The following FSIP2 variants were observed in gnomAD, a reference collection of about 807,000 sequenced individuals.
FSIP2 encodes fibrous sheath-interacting protein 2.
FSIP2 carries 367 observed loss-of-function variants against 510.5 expected under a neutral mutation model. That is an observed-to-expected ratio of 0.72 (90% confidence interval 0.66 to 0.78). FSIP2 has a LOEUF of 0.78. FSIP2 is among the 30% of genes least tolerant of loss of function. FSIP2 has a pLI of 0.00. For synonymous variants in FSIP2, 2,601 were observed against 2,732.2 expected, an observed-to-expected ratio of 0.95 and a Z score of 1.50; for missense variants, 7,594 against 7,901.7, an observed-to-expected ratio of 0.96 and a Z score of 1.48.
Position 185,796,269 on chromosome 2 carries a change from C to A in FSIP2, c.9133C>A (p.Pro3045Thr), listed in dbSNP as rs1027085372. 6.5e-7 allele frequency: 1 copy of A among 1,532,372 alleles called. No homozygotes were observed. Among genetic ancestry groups the A allele is most frequent in the Non-Finnish European group, 8.7e-7 (1 of 1,145,184 alleles). The allele number at this position is 1,532,372 out of a possible 1,614,324, so 94.9% of individuals were successfully genotyped here. Reference sequence around the variant, plus strand: ...CAAAAAAATGTTGCCAAAATTACAACCACTGAAAATGTTTTCTGATAAATC... The same window carrying A: ...CAAAAAAATGTTGCCAAAATTACAAACACTGAAAATGTTTTCTGATAAATC... ...LNKKMLPKLQ[P>T]LKMFSDKSES... Residue 3045 changes from proline (P) to threonine (T), a missense_variant, in exon 16 of 23, where the codon CCA becomes ACA. Coordinates refer to ENST00000424728, the MANE Select transcript of FSIP2 (RefSeq NM_173651.4).
Position 185,799,727 on chromosome 2 carries a change from C to A in FSIP2, c.10421C>A (p.Thr3474Lys). 1.4e-6 allele frequency: 2 copies of A among 1,423,904 alleles called. No individual in the cohort carries two copies. Among genetic ancestry groups the A allele is most frequent in the South Asian group, 1.4e-5 (1 of 70,244 alleles). The allele number at this position is 1,423,904 out of a possible 1,614,324, so 88.2% of individuals were successfully genotyped here. ...AGTGAGGAAAAGATGTCTGTTTCTACATGGTCAAGGAAAAAATATGAATCA... is the reference window on the plus strand; with the variant it reads ...AGTGAGGAAAAGATGTCTGTTTCTAAATGGTCAAGGAAAAAATATGAATCA... ...VFSEEKMSVS[T>K]WSRKKYESKQ... is the part of the protein sequence containing the mutation. Residue 3474 changes from threonine (T) to lysine (K), a missense_variant, in exon 17 of 23, where the codon ACA becomes AAA. Transcript: ENST00000424728.
chr2:185,797,119 T>C lies in FSIP2; in HGVS notation c.9983T>C (p.Leu3328Ser), dbSNP rs1693306882. 2 of 1,535,034 alleles carry C rather than the reference T, an allele frequency of 1.3e-6. No homozygotes were observed. The highest frequency in any genetic ancestry group is 1.7e-6 in the Non-Finnish European group (2 of 1,146,228). Residue 3328 changes from leucine (L) to serine (S), a missense_variant, in exon 16 of 23, where the codon TTA becomes TCA. Physicochemically the swap from Leu to Ser is moderately radical, Grantham distance 145. Coordinates refer to ENST00000424728, the MANE Select transcript of FSIP2 (RefSeq NM_173651.4). ...ACCATTTCCCCTCTCAAAATATGTTTAGCTGCAGAAAATATTGTCAATACT... is the reference window on the plus strand; with the variant it reads ...ACCATTTCCCCTCTCAAAATATGTTCAGCTGCAGAAAATATTGTCAATACT... ...QTTISPLKIC[L>S]AAENIVNTVL... is the part of the protein sequence containing the mutation.
intron 13 of FSIP2, among the ~76,000 whole-genome samples, chr2:185,767,115 C>A (rs1670211770): frequency 7.3e-6 from 1 of 137,670 alleles, no homozygotes; most frequent in Non-Finnish European, 1.5e-5. Flanking sequence ...GGGAATTGAA[C>A]AATGAGATCA....
intron 7 of FSIP2, among the ~76,000 whole-genome samples, chr2:185,750,227 G>A (rs72898038): frequency 0.27 from 40,655 of 151,158 alleles, 6,152 homozygotes; most frequent in East Asian, 0.45. Context: ...TTTTAGAATT[G>A]GTATTGTTTA....
In FSIP2 at chr2:185,789,943, A is replaced by C. The variant is rs1693080908; in HGVS notation, c.2807A>C (p.Gln936Pro). ...TCTGAAGAAACCGTAGTACTCCTTC[A>C]GCTACTTGAGGACATCCTTTTTCAG... ...IASEETVVLL[Q>P]LLEDILFQLH... is the part of the protein sequence containing the mutation. The change falls in exon 16 of 23, where the codon CAG becomes CCG. Residue 936 changes from glutamine to proline, a missense_variant. Physicochemically the swap from Gln to Pro is moderately conservative, Grantham distance 76. Coordinates refer to ENST00000424728, the MANE Select transcript of FSIP2 (RefSeq NM_173651.4). 1.3e-6 allele frequency: 2 copies of C among 1,534,402 alleles called. No individual in the cohort carries two copies. Among genetic ancestry groups the C allele is most frequent in the Non-Finnish European group, 1.7e-6 (2 of 1,145,728 alleles).
chr2:185,804,046 G>A lies in FSIP2; in HGVS notation c.14740G>A (p.Glu4914Lys). ...CCATCATATTCAATCATTTTTATCT[G>A]AAGATAAAACTCTCCTTTTGGCAGC... Reference protein sequence around the residue: ...FNHHIQSFLSEDKTLLLAAVD... With the variant: ...FNHHIQSFLSKDKTLLLAAVD... Residue 4914 changes from glutamate (E) to lysine (K), a missense_variant, in exon 17 of 23, where the codon GAA (glutamate) becomes AAA (lysine). Physicochemically the swap from Glu to Lys is moderately conservative, Grantham distance 56. Transcript: ENST00000424728. 1 of 1,505,382 alleles carries A rather than the reference G, an allele frequency of 6.6e-7. No individual in the cohort carries two copies. The highest frequency in any genetic ancestry group is 8.9e-7 in the Non-Finnish European group (1 of 1,127,670). The allele number at this position is 1,505,382 out of a possible 1,614,324, so 93.3% of individuals were successfully genotyped here. A position where few individuals can be genotyped will look rare whatever the true frequency, so the allele number is the denominator to read the frequency against.
rs1395659686 is a variant in FSIP2 at position 185,789,044 on chromosome 2, A to G, written c.1908A>G (p.Ser636=). 16 of 1,534,354 alleles carry G rather than the reference A, an allele frequency of 1.0e-5. No homozygotes were observed. The highest frequency in any genetic ancestry group is 1.3e-5 in the Non-Finnish European group (15 of 1,145,590). The change falls in exon 16 of 23, where the codon TCA becomes TCG. Residue 636 remains serine (S), a synonymous_variant. Transcript: ENST00000424728. ...HKYNKTNLLY[S]YPKLRSCKSD... ...ATAATAAAACCAACTTGCTATATTC[A>G]TACCCTAAGCTCAGAAGTTGTAAAT...
Position 185,791,080 on chromosome 2 carries a change from A to C in FSIP2, c.3944A>C (p.Glu1315Ala), listed in dbSNP as rs1693112109. 1.3e-6 allele frequency: 2 copies of C among 1,531,986 alleles called. No individual in the cohort carries two copies. The highest frequency in any genetic ancestry group is 2.4e-5 in the East Asian group (1 of 40,824). The allele number at this position is 1,531,986 out of a possible 1,614,324, so 94.9% of individuals were successfully genotyped here. A position where few individuals can be genotyped will look rare whatever the true frequency, so the allele number is the denominator to read the frequency against. The change falls in exon 16 of 23, where the codon GAA becomes GCA. Residue 1315 changes from glutamate to alanine, a missense_variant. Physicochemically the swap from Glu to Ala is moderately radical, Grantham distance 107. Transcript: ENST00000424728. ...CAGAATGAACTGGAACTTCACAAGG[A>C]AAACCTAAATCTTAGGGAGATTGAC... ...AIQNELELHK[E>A]NLNLREIDHT... is the part of the protein sequence containing the mutation.
At chr2:185,768,941 T>C (rs34631835) in intron 13 of FSIP2, among the ~76,000 whole-genome samples, 14,793 of 152,250 alleles carry the variant, frequency 0.097, 768 homozygotes, top group Middle Eastern at 0.13. Context: ...TCCATCCATG[T>C]TCCTGCAAAG....
chr2:185,737,403 AT>A (rs953657532), upstream of FSIP2, among the ~76,000 whole-genome samples: 6 of 152,290 alleles, frequency 3.9e-5, no homozygotes, highest in Admixed American at 3.3e-4. Flanking sequence ...TACAAGATGG[AT>A]TTTTGGGGTA....
At chr2:185,779,299 A>AT (rs1692793462) in intron 13 of FSIP2, among the ~76,000 whole-genome samples, 1 of 102,974 alleles carries the variant, frequency 9.7e-6, no homozygotes, top group Middle Eastern at 4.6e-3. Flanking sequence ...GTTTTTATCT[A>AT]GTTTTTTTTT....
intron 19 of FSIP2, among the ~76,000 whole-genome samples, chr2:185,822,050 G>T (rs1037742988): frequency 1.3e-5 from 2 of 151,896 alleles, no homozygotes; most frequent in Non-Finnish European, 2.9e-5. Flanking sequence ...CAGCAGAGCA[G>T]GAAGAGAAGG....
chr2:185,747,508 A>T, intron 7 of FSIP2, 85 bp downstream of exon 7: 1 of 686,602 alleles, frequency 1.5e-6, no homozygotes, highest in Non-Finnish European at 2.5e-6. Context: ...ACTTTGTGAG[A>T]TGACTGTTGC....
intron 13 of FSIP2, among the ~76,000 whole-genome samples, chr2:185,782,195 C>T (rs1692866159): frequency 6.6e-6 from 1 of 152,104 alleles, no homozygotes; most frequent in Admixed American, 6.5e-5. Flanking sequence ...AAGTCATAAT[C>T]AGGTGTACAC....
At chr2:185,829,445 C>A (rs1694070081) in intron 21 of FSIP2, among the ~76,000 whole-genome samples, 1 of 151,918 alleles carries the variant, frequency 6.6e-6, no homozygotes, top group Non-Finnish European at 1.5e-5. Flanking sequence ...TATCCTCTGG[C>A]TTAGACTCAG....
Position 185,794,559 on chromosome 2 carries a change from T to C in FSIP2, c.7423T>C (p.Ser2475Pro), listed in dbSNP as rs1410205082. The C allele has an allele frequency of 1.3e-6, 2 of 1,530,738 alleles. No homozygotes were observed. Among genetic ancestry groups the C allele is most frequent in the East Asian group, 4.9e-5 (2 of 40,760 alleles). The allele number at this position is 1,530,738 out of a possible 1,614,324, so 94.8% of individuals were successfully genotyped here. The change falls in exon 16 of 23, where the codon TCA (serine) becomes CCA (proline). Residue 2475 changes from serine to proline, a missense_variant. By Grantham distance (74) the Ser-to-Pro change is moderately conservative. Transcript: ENST00000424728. The part of the protein sequence containing the change: ...LEEIFMRNGE[S>P]KNKEKGELLI... The stretch of plus-strand genomic sequence containing the variant: ...AGAAATATTTATGAGAAATGGAGAA[T>C]CAAAAAACAAAGAAAAAGGTGAACT...
chr2:185,800,814 A>G lies in FSIP2; in HGVS notation c.11508A>G (p.Ser3836=). 2 of 1,534,450 alleles carry G rather than the reference A, an allele frequency of 1.3e-6. No homozygotes were observed. Among genetic ancestry groups the G allele is most frequent in the Non-Finnish European group, 1.7e-6 (2 of 1,145,622 alleles). Residue 3836 remains serine, a synonymous_variant, in exon 17 of 23, where the codon TCA becomes TCG. Coordinates refer to ENST00000424728, the MANE Select transcript of FSIP2 (RefSeq NM_173651.4). ...VAEIDQDLLT[S]DSMLTIISHS... ...AAATTGATCAAGACTTATTGACATC[A>G]GACTCTATGCTTACTATTATTTCCC...
chr2:185,817,928 TA>T (rs1263966155), intron 19 of FSIP2, among the ~76,000 whole-genome samples: 2 of 151,958 alleles, frequency 1.3e-5, no homozygotes, highest in Non-Finnish European at 2.9e-5. Flanking sequence ...GGTAGCATAT[TA>T]GGGCAACTAG....
rs7576532 is a variant in FSIP2 at position 185,805,377 on chromosome 2, A to T, written c.16071A>T (p.Glu5357Asp). Residue 5357 changes from glutamate to aspartate, a missense_variant, in exon 17 of 23, where the codon GAA becomes GAT. Physicochemically the swap from Glu to Asp is conservative, Grantham distance 45 (BLOSUM62 2). Transcript: ENST00000424728. ...ATAAAATATCCAATTTTGTATATGA[A>T]CAGTTCATAGAAAAATGCACATCTC... ...TVDKISNFVY[E>D]QFIEKCTSHD... is the part of the protein sequence containing the mutation. 6.3e-7 allele frequency: 1 copy of T among 1,599,508 alleles called. No individual in the cohort carries two copies. The highest frequency in any genetic ancestry group is 2.2e-5 in the East Asian group (1 of 44,698).
Sources: gnomAD v4.1 joint callset for allele counts (sites outside exome capture counted in the v4.1 genomes callset) on GRCh38, gnomAD v4.1.1 for gene constraint, MANE v1.5 for transcripts, NCBI Gene and HGNC (gene_info 2026-07-23, HGNC 2026-07-21) for gene names.